Variants in SMAD3 observed in about 807,000 individuals in gnomAD.
SMAD3 encodes MAD homolog 3.
Under a neutral mutation model 51.8 loss-of-function variants are expected in SMAD3, and 12 were observed. That is an observed-to-expected ratio of 0.23 (90% confidence interval 0.15 to 0.38). SMAD3 has a LOEUF of 0.38. Among genes scored for constraint, SMAD3 ranks in the 10% least tolerant of loss-of-function variants. The pLI is 1.00. For missense variants in SMAD3, 294 were observed against 565.6 expected, an observed-to-expected ratio of 0.52 and a Z score of 4.87; for synonymous variants, 238 against 227.7, an observed-to-expected ratio of 1.05 and a Z score of -0.41.
At chr15:67,183,814 A>G (rs1963147741) in intron 6 of SMAD3, among the ~76,000 whole-genome samples, 1 of 152,240 alleles carries the variant, frequency 6.6e-6, no homozygotes, top group East Asian at 1.9e-4. Context: ...AAGAGATGAA[A>G]GAAAAGTAAA....
intron 1 of SMAD3, among the ~76,000 whole-genome samples, chr15:67,098,039 C>T (rs1378548171): frequency 6.6e-6 from 1 of 152,208 alleles, no homozygotes; most frequent in African/African-American, 2.4e-5. Flanking sequence ...GTTTACGCAT[C>T]TGTCAAATGG....
intron 1 of SMAD3, among the ~76,000 whole-genome samples, chr15:67,135,786 C>A (rs532478408): frequency 5.3e-5 from 8 of 152,168 alleles, no homozygotes; most frequent in African/African-American, 1.9e-4. Context: ...GTGTTTTCAT[C>A]GTATTATAAA....
chr15:67,174,322 T>C (rs1962832106), intron 5 of SMAD3: 1 of 152,164 alleles, frequency 6.6e-6, no homozygotes, highest in Admixed American at 6.6e-5. Flanking sequence ...GTCATGCCAG[T>C]GGATGGATTT....
chr15:67,074,874 G>A (rs1454754582), intron 1 of SMAD3, among the ~76,000 whole-genome samples: 2 of 152,132 alleles, frequency 1.3e-5, no homozygotes, highest in African/African-American at 4.8e-5. Flanking sequence ...ATTTTTAGTA[G>A]AGATGGGGTA....
rs1384292500 is a variant in SMAD3 at position 67,066,325 on chromosome 15, G to A, written c.171G>A (p.Thr57=). The A allele has an allele frequency of 6.2e-7, 1 of 1,613,428 alleles. No individual in the cohort carries two copies. Among genetic ancestry groups the A allele is most frequent in the Non-Finnish European group, 8.5e-7 (1 of 1,179,792 alleles). Residue 57 remains threonine (T), a synonymous_variant, in exon 1 of 9, where the codon ACG becomes ACA. Transcript: ENST00000327367. ...ACGAGCTGGAGAAGGCCATCACCAC[G>A]CAGAACGTCAACACCAAGTGCATCA... ...QLDELEKAIT[T]QNVNTKCITI... is the part of the protein sequence containing the mutation.
intron 1 of SMAD3, among the ~76,000 whole-genome samples, chr15:67,145,791 TTCCAATGCAA>T (rs2140270867): frequency 1.3e-5 from 2 of 152,296 alleles, no homozygotes; most frequent in East Asian, 3.9e-4. Context: ...GGAGCCAGCT[TTCCAATGCAA>T]GTCCCAATTT....
intron 1 of SMAD3, among the ~76,000 whole-genome samples, chr15:67,098,060 G>C (rs1166937848): frequency 6.6e-6 from 1 of 152,102 alleles, no homozygotes; most frequent in East Asian, 1.9e-4. Flanking sequence ...AGCATTCGTG[G>C]GTGTGCCTGC....
intron 1 of SMAD3, among the ~76,000 whole-genome samples, chr15:67,153,746 A>G (rs999879917): frequency 2.0e-5 from 3 of 152,178 alleles, no homozygotes; most frequent in Admixed American, 6.5e-5. Context: ...TAGCCCCAAC[A>G]AAGATTAGCC....
intron 6 of SMAD3, among the ~76,000 whole-genome samples, chr15:67,184,526 T>C (rs989881366): frequency 6.6e-6 from 1 of 152,216 alleles, no homozygotes; most frequent in East Asian, 1.9e-4. Flanking sequence ...TCTCTTGTCA[T>C]CTGCCTCCCT....
intron 1 of SMAD3, among the ~76,000 whole-genome samples, chr15:67,121,060 A>C (rs1257360941): frequency 6.6e-6 from 1 of 152,212 alleles, no homozygotes; most frequent in Non-Finnish European, 1.5e-5. Context: ...GTTTTCAGGC[A>C]GGGCATGATT....
rs1484552423 is a variant in SMAD3 at position 67,065,819 on chromosome 15, G to A, written c.-336G>A. On this transcript the variant is annotated 5_prime_UTR_variant, in exon 1 of 9. In the 5' UTR this introduces an upstream ATG that the reference lacks. Coordinates refer to ENST00000327367, the MANE Select transcript of SMAD3 (RefSeq NM_005902.4). ...GAGGCGGCACCCAAACAGCTACCCC[G>A]TGCGGAAACCCAAACTTCTGCTGCC... The A allele has an allele frequency of 4.7e-6, 1 of 210,934 alleles. No individual in the cohort carries two copies. Among genetic ancestry groups the A allele is most frequent in the Non-Finnish European group, 9.6e-6 (1 of 103,834 alleles). 13.1% of individuals were successfully genotyped at this position (210,934 alleles called of 1,614,324 possible).
intron 1 of SMAD3, among the ~76,000 whole-genome samples, chr15:67,138,828 A>G (rs1420373695): frequency 6.6e-6 from 1 of 152,232 alleles, no homozygotes; most frequent in African/African-American, 2.4e-5. Context: ...ACACCATCCC[A>G]TTAACCCTCC....
chr15:67,158,522 A>G (rs1012940803), intron 1 of SMAD3, among the ~76,000 whole-genome samples: 4 of 152,252 alleles, frequency 2.6e-5, no homozygotes, highest in Admixed American at 2.6e-4. Context: ...TGTGCTCACA[A>G]GCTGGAGAGT....
intron 1 of SMAD3, among the ~76,000 whole-genome samples, chr15:67,078,676 T>G (rs1042099358): frequency 1.3e-5 from 2 of 152,204 alleles, no homozygotes; most frequent in African/African-American, 4.8e-5. Context: ...AAGGACTGAT[T>G]CTACTTCATG....
At chr15:67,157,927 C>A (rs1477702395) in intron 1 of SMAD3, among the ~76,000 whole-genome samples, 2 of 152,160 alleles carry the variant, frequency 1.3e-5, no homozygotes, top group Non-Finnish European at 2.9e-5. Flanking sequence ...GTCAGAGGAA[C>A]TTGAGGGAGT....
chr15:67,099,025 G>GT (rs1960688346), intron 1 of SMAD3: 1 of 692,574 alleles, frequency 1.4e-6, no homozygotes, highest in African/African-American at 1.9e-5. Context: ...GATCAACTCT[G>GT]TGAGTACCCA....
At chr15:67,121,557 G>A (rs1011683708) in intron 1 of SMAD3, among the ~76,000 whole-genome samples, 35 of 152,276 alleles carry the variant, frequency 2.3e-4, no homozygotes, top group Middle Eastern at 3.4e-3. Flanking sequence ...TGTACTGGGC[G>A]TTTAGGGTTA....
At chr15:67,111,464 C>G (rs993906675) in intron 1 of SMAD3, among the ~76,000 whole-genome samples, 1 of 152,100 alleles carries the variant, frequency 6.6e-6, no homozygotes, top group Non-Finnish European at 1.5e-5. Flanking sequence ...TGTGTACAAG[C>G]TTTTTTTGTG....
At chr15:67,174,120 G>A (rs965201041) in intron 5 of SMAD3, among the ~76,000 whole-genome samples, 2 of 152,206 alleles carry the variant, frequency 1.3e-5, no homozygotes, top group African/African-American at 4.8e-5. Flanking sequence ...TGGAAAGCCT[G>A]TATTGTGGCC....
Sources: allele counts gnomAD v4.1 joint callset (sites outside exome capture counted in the v4.1 genomes callset), GRCh38; gene constraint gnomAD v4.1.1; transcripts MANE v1.5; gene names NCBI Gene and HGNC (gene_info 2026-07-23, HGNC 2026-07-21).